CMSS1: variants seen among roughly 807,000 people sequenced by gnomAD.
CMSS1 encodes protein CMSS1.
Under a neutral mutation model 43.5 loss-of-function variants are expected in CMSS1, and 33 were observed. That is an observed-to-expected ratio of 0.76 (90% CI 0.57 to 1.01). The LOEUF (loss-of-function observed/expected upper bound fraction) is 1.01. Ranked by LOEUF, CMSS1 falls within the 50% of genes least tolerant of loss-of-function variation. The pLI, the probability that CMSS1 is intolerant of heterozygous loss-of-function variation, is 0.00. For missense variants in CMSS1, 313 were observed against 326.4 expected (o/e 0.96, Z 0.32); for synonymous variants, 115 against 117.2 (o/e 0.98, Z 0.12).
chr3:99,851,140 ATATG>A (rs1943677349), intron 1 of CMSS1: 2 of 1,222,048 alleles, frequency 1.6e-6, no homozygotes, highest in Admixed American at 2.5e-5. Context: ...ACTTAAATAT[ATATG>A]TAATTTAGAA....
chr3:100,027,695 T>C (rs1443212840), intron 1 of CMSS1, among the ~76,000 whole-genome samples: 2 of 152,216 alleles, frequency 1.3e-5, no homozygotes, highest in Non-Finnish European at 2.9e-5. Context: ...TTCAGCCTCC[T>C]GAGTGAACTT....
intron 1 of CMSS1, among the ~76,000 whole-genome samples, chr3:100,016,540 T>A (rs1187019083): frequency 4.6e-5 from 7 of 152,206 alleles, no homozygotes; most frequent in Admixed American, 2.0e-4. Context: ...GGCAGACTTC[T>A]GTGAGGGTGC....
At chr3:99,937,448 T>C (rs1274612605) in intron 1 of CMSS1, among the ~76,000 whole-genome samples, 2 of 152,236 alleles carry the variant, frequency 1.3e-5, no homozygotes, top group East Asian at 1.9e-4. Flanking sequence ...CATATTGAAG[T>C]GGCAGGAGAC....
At chr3:100,027,669 A>C (rs1318547938) in intron 1 of CMSS1, among the ~76,000 whole-genome samples, 1 of 152,150 alleles carries the variant, frequency 6.6e-6, no homozygotes, top group East Asian at 1.9e-4. Flanking sequence ...AATATGGAAA[A>C]TGTTGTGTGA....
chr3:100,154,717 AAT>A (rs1177660615), intron 2 of CMSS1, among the ~76,000 whole-genome samples: 1 of 152,188 alleles, frequency 6.6e-6, no homozygotes, highest in African/African-American at 2.4e-5. Context: ...ATGGCCTGTA[AAT>A]CCCAGCACTT....
At chr3:99,975,544 G>A (rs1276797340) in intron 1 of CMSS1, among the ~76,000 whole-genome samples, 1 of 151,254 alleles carries the variant, frequency 6.6e-6, no homozygotes, top group African/African-American at 2.4e-5. Flanking sequence ...GTGAGCCGAG[G>A]TCACACCATT....
At chr3:100,178,269 T>C in intron 9 of CMSS1, 36 bp from the exon 10 acceptor site, 1 of 1,396,540 alleles carries the variant, frequency 7.2e-7, no homozygotes, top group Non-Finnish European at 1.0e-6. Flanking sequence ...TTTGGCTTGA[T>C]CTTAATCTTT....
intron 1 of CMSS1, among the ~76,000 whole-genome samples, chr3:100,130,671 T>A (rs1257713379): frequency 2.0e-5 from 3 of 152,238 alleles, no homozygotes; most frequent in African/African-American, 7.2e-5. Context: ...TGGCTTGTTT[T>A]GTTGTAATAT....
chr3:100,031,215 C>T (rs989815658), intron 1 of CMSS1, among the ~76,000 whole-genome samples: 4 of 152,108 alleles, frequency 2.6e-5, no homozygotes, highest in Admixed American at 1.3e-4. Context: ...GTCTCATATG[C>T]CCAAAGTACC....
intron 1 of CMSS1, among the ~76,000 whole-genome samples, chr3:99,888,302 G>T (rs1055207718): frequency 9.2e-5 from 14 of 152,002 alleles, no homozygotes; most frequent in African/African-American, 3.4e-4. Flanking sequence ...GAAGGTTGAG[G>T]CTACAGTGAG....
chr3:99,987,528 C>CAAA (rs1209242716), intron 1 of CMSS1, among the ~76,000 whole-genome samples: 4 of 57,144 alleles, frequency 7.0e-5, no homozygotes, highest in African/African-American at 1.7e-4. Context: ...GATTCTGTCT[C>CAAA]AAAAAAAAAA....
intron 1 of CMSS1, among the ~76,000 whole-genome samples, chr3:100,081,948 G>C (rs2065938532): frequency 6.6e-6 from 1 of 152,012 alleles, no homozygotes; most frequent in Non-Finnish European, 1.5e-5. Context: ...AGATAACATT[G>C]CCTTCAATTG....
At chr3:99,942,080 G>T (rs1232763368) in intron 1 of CMSS1, among the ~76,000 whole-genome samples, 6 of 152,138 alleles carry the variant, frequency 3.9e-5, no homozygotes, top group Non-Finnish European at 8.8e-5. Flanking sequence ...AGTGGGGCAT[G>T]GTGGTGGGCG....
intron 1 of CMSS1, among the ~76,000 whole-genome samples, chr3:99,986,165 G>T (rs1314243588): frequency 6.6e-6 from 1 of 152,170 alleles, no homozygotes; most frequent in African/African-American, 2.4e-5. Flanking sequence ...ATAAGAACCA[G>T]ATATCTCAAA....
chr3:100,180,363 C>T lies in CMSS1; in HGVS notation c.*1975C>T, dbSNP rs1158822148. 3.3e-5 allele frequency: 5 copies of T among 152,238 alleles called. No homozygotes were observed. Among genetic ancestry groups the T allele is most frequent in the Non-Finnish European group, 7.3e-5 (5 of 68,040 alleles). 9.4% of individuals were successfully genotyped at this position (152,238 alleles called of 1,614,324 possible). On this transcript the variant is annotated 3_prime_UTR_variant, in exon 10 of 10. Transcript: ENST00000421999. ...GGCTGCAAATTTTCAAGCTTTTATA[C>T]TCTGCTTTGCTTTTAAATATAAGTT...
chr3:99,937,352 A>G (rs574844937), intron 1 of CMSS1, among the ~76,000 whole-genome samples: 5 of 152,354 alleles, frequency 3.3e-5, no homozygotes, highest in South Asian at 2.1e-4. Flanking sequence ...AGTCTATTCA[A>G]TAAAGATGTT....
chr3:99,849,538 C>G (rs772070838), intron 1 of CMSS1: 1 of 1,613,154 alleles, frequency 6.2e-7, no homozygotes, highest in Non-Finnish European at 8.5e-7. Context: ...TGAGAGGTGC[C>G]CTGACTTAGC....
At position 100,131,290 on chromosome 3, in the gene CMSS1, T is replaced by C. The variant is rs1489719; in HGVS notation, c.65-15683T>C. Among the ~76,000 whole-genome samples the C allele has an allele frequency of 3.6e-3, 542 of 152,258 alleles. 2 individuals carry two copies. The highest frequency in any genetic ancestry group is 0.012 in the African/African-American group (516 of 41,528). ...GATTCTAGGGAGCTTGTAATTTTAA[T>C]CCCCGTGCTATAGTAATTTACAGTG... On this transcript the variant is annotated intron_variant, in intron 1 of 9. Coordinates refer to ENST00000421999, the MANE Select transcript of CMSS1 (RefSeq NM_032359.4).
intron 1 of CMSS1, chr3:99,849,274 T>C (rs1251751640): frequency 1.2e-6 from 2 of 1,614,074 alleles, no homozygotes; most frequent in South Asian, 1.1e-5. Flanking sequence ...TGCTTCTGTC[T>C]GAACTTCTTT....
Sources: gnomAD v4.1 joint callset for allele counts (sites outside exome capture counted in the v4.1 genomes callset) on GRCh38, gnomAD v4.1.1 for gene constraint, MANE v1.5 for transcripts, NCBI Gene and HGNC (gene_info 2026-07-23, HGNC 2026-07-21) for gene names.